Variants in USP34 observed in about 807,000 individuals in gnomAD.
USP34 encodes ubiquitin specific peptidase 34.
USP34 carries 70 observed loss-of-function variants against 460.3 expected under a neutral mutation model. That is an observed-to-expected ratio of 0.15 (90% CI 0.13 to 0.19). The LOEUF is 0.19. USP34 is among the 10% of genes least tolerant of loss of function. The pLI is 1.00. For missense variants in USP34, 3,985 were observed against 4,236.2 expected (o/e 0.94, Z 1.65); for synonymous variants, 1,647 against 1,405.3 (o/e 1.17, Z -3.85).
At chr2:61,339,037 A>C (rs1691510591) in intron 18 of USP34, among the ~76,000 whole-genome samples, 1 of 152,200 alleles carries the variant, frequency 6.6e-6, no homozygotes, top group African/African-American at 2.4e-5. Context: ...AGAACATTTA[A>C]CTGCAATTTG....
At chr2:61,417,999 C>T (rs1336442150) in intron 2 of USP34, among the ~76,000 whole-genome samples, 1 of 151,318 alleles carries the variant, frequency 6.6e-6, no homozygotes, top group Non-Finnish European at 1.5e-5. Context: ...CCTGGGCCTC[C>T]CAAAGTGCTG....
chr2:61,419,226 G>T (rs192544636), intron 2 of USP34, among the ~76,000 whole-genome samples: 24 of 151,942 alleles, frequency 1.6e-4, no homozygotes, highest in Non-Finnish European at 3.4e-4. Flanking sequence ...TCGCCCTGTA[G>T]CCCAGGCTGG....
At chr2:61,383,690 A>G (rs2103871322) in intron 5 of USP34, among the ~76,000 whole-genome samples, 1 of 152,324 alleles carries the variant, frequency 6.6e-6, no homozygotes, top group African/African-American at 2.4e-5. Context: ...ACTGCACTCC[A>G]GCCTGGGCAA....
chr2:61,411,881 T>C (rs1359734110), intron 2 of USP34, among the ~76,000 whole-genome samples: 2 of 152,038 alleles, frequency 1.3e-5, no homozygotes. Flanking sequence ...TTTGGATCAT[T>C]GAAGGCAGAT....
At position 61,444,710 on chromosome 2, in the gene USP34, G is replaced by C. The variant is rs891105383; in HGVS notation, c.44-23877C>G. ...GGGCCAGCTTTTTCACGGGCTACCT[G>C]AATGACATGCCTAGTCAAACAAATC... is the stretch of plus-strand genomic sequence containing the variant. On this transcript the variant is annotated intron_variant, in intron 1 of 79. Coordinates refer to ENST00000398571, the MANE Select transcript of USP34 (RefSeq NM_014709.4). Among the ~76,000 whole-genome samples, 17 of 152,208 alleles carry C rather than the reference G, an allele frequency of 1.1e-4. No homozygotes were observed. In the East Asian group the frequency reaches 2.9e-3, roughly 26 times the overall value.
At chr2:61,334,154 A>C (rs185900077) in intron 18 of USP34, among the ~76,000 whole-genome samples, 183 bp from the exon 19 acceptor site, 1 of 152,304 alleles carries the variant, frequency 6.6e-6, no homozygotes, top group African/African-American at 2.4e-5. Context: ...AAGAACTGCA[A>C]GTTTAAAAAA....
chr2:61,222,735 C>T (rs1572847612), intron 64 of USP34, 72 bp from the exon 65 acceptor site: 6 of 1,431,286 alleles, frequency 4.2e-6, no homozygotes, highest in East Asian at 2.4e-5. Flanking sequence ...TTCGCTATGT[C>T]ACCCAGGCTG....
At chr2:61,424,712 T>C (rs181486699) in intron 1 of USP34, among the ~76,000 whole-genome samples, 184 of 152,110 alleles carry the variant, frequency 1.2e-3, no homozygotes, top group Non-Finnish European at 1.9e-3. Flanking sequence ...CCCCTCTCTA[T>C]TTAAGAAAAA....
chr2:61,286,456 G>A (rs1435647807), intron 34 of USP34, among the ~76,000 whole-genome samples: 1 of 152,140 alleles, frequency 6.6e-6, no homozygotes, highest in African/African-American at 2.4e-5. Flanking sequence ...AGGAGTTTGA[G>A]ATCAGCCTGT....
chr2:61,324,091 A>C (rs927417889), intron 21 of USP34, among the ~76,000 whole-genome samples: 1 of 152,234 alleles, frequency 6.6e-6, no homozygotes, highest in African/African-American at 2.4e-5. Context: ...ACCACAGTTA[A>C]AGAGACAATG....
In USP34 at chr2:61,332,096, T is replaced by C. The variant is rs539360912; in HGVS notation, c.2835-725A>G. Among the ~76,000 whole-genome samples the C allele has an allele frequency of 4.1e-4, 62 of 152,148 alleles. 1 individual carries two copies. Among genetic ancestry groups the C allele is most frequent in the African/African-American group, 1.4e-3 (59 of 41,536 alleles). Reference sequence around the variant, plus strand: ...GTCAAGTGGTAGAAAGAAAAAGACTTTGGGTTTGAAGGCAGCTCCAATACA... The same window carrying C: ...GTCAAGTGGTAGAAAGAAAAAGACTCTGGGTTTGAAGGCAGCTCCAATACA... On this transcript the variant is annotated intron_variant, in intron 19 of 79. Transcript: ENST00000398571.
chr2:61,394,985 C>A lies in USP34; in HGVS notation c.621G>T (p.Leu207Phe). 1 of 1,593,966 alleles carries A rather than the reference C, an allele frequency of 6.3e-7. No homozygotes were observed. The highest frequency in any genetic ancestry group is 8.5e-7 in the Non-Finnish European group (1 of 1,174,064). Residue 207 changes from leucine (L) to phenylalanine (F), a missense_variant, in exon 5 of 80, where the codon TTG becomes TTT. Around this residue, in one of 14 missense-constraint regions of USP34, gnomAD observed 331 missense variants for 293.7 expected, o/e 1.13. Coordinates refer to ENST00000398571, the MANE Select transcript of USP34 (RefSeq NM_014709.4). Reference sequence around the variant, plus strand: ...ACAAACATACATAACGAAGCAAATGCAATGGTACTTCTACATCCTGGGAAA... The same window carrying A: ...ACAAACATACATAACGAAGCAAATGAAATGGTACTTCTACATCCTGGGAAA... ...FCDMNDVEVPLHLLRYVCLFC... is the reference protein window; with the variant it reads ...FCDMNDVEVPFHLLRYVCLFC...
chr2:61,280,130 C>G, intron 39 of USP34, 114 bp downstream of exon 39: 1 of 555,946 alleles, frequency 1.8e-6, no homozygotes, highest in Non-Finnish European at 2.9e-6. Flanking sequence ...ACACCACCAC[C>G]AAGTTATAGA....
intron 6 of USP34, among the ~76,000 whole-genome samples, chr2:61,382,751 T>C (rs1346418199): frequency 2.0e-5 from 3 of 152,218 alleles, no homozygotes; most frequent in African/African-American, 7.2e-5. Context: ...AAGTTGAGAC[T>C]TATAAAATTC....
chr2:61,266,114 G>T lies in USP34; in HGVS notation c.5487C>A (p.Asp1829Glu). ...GTGATTTGCACTTTGGCTGTTGTCG[G>T]TCCTTTAGACTTGGCAACAAAAACA... ...NLLFLLPSLKDRQQPKCKSHS... is the reference protein window; with the variant it reads ...NLLFLLPSLKERQQPKCKSHS... Residue 1829 changes from aspartate (D) to glutamate (E), a missense_variant, in exon 42 of 80, where the codon GAC becomes GAA. Asp to Glu is a conservative substitution (Grantham distance 45). Coordinates refer to ENST00000398571, the MANE Select transcript of USP34 (RefSeq NM_014709.4). The T allele has an allele frequency of 6.2e-7, 1 of 1,613,856 alleles. No homozygotes were observed. Among genetic ancestry groups the T allele is most frequent in the Non-Finnish European group, 8.5e-7 (1 of 1,179,830 alleles).
intron 20 of USP34, 42 bp from the exon 21 acceptor site, chr2:61,325,499 CTTAA>C (rs1691057815): frequency 1.5e-6 from 2 of 1,303,060 alleles, no homozygotes; most frequent in Non-Finnish European, 2.1e-6. Context: ...TATCCTATTT[CTTAA>C]TTACTTTTAA....
At chr2:61,234,818 G>A (rs1407310585) in intron 57 of USP34, among the ~76,000 whole-genome samples, 2 of 151,944 alleles carry the variant, frequency 1.3e-5, no homozygotes, top group South Asian at 4.2e-4. Flanking sequence ...TTTATTTTTA[G>A]TAGAGATGTA....
intron 53 of USP34, 87 bp from the exon 54 acceptor site, chr2:61,236,476 T>C (rs1043109432): frequency 5.1e-6 from 5 of 979,582 alleles, no homozygotes; most frequent in Non-Finnish European, 7.4e-6. Flanking sequence ...AAGTCTCTTC[T>C]AAAAAACCAC....
At chr2:61,272,622 C>A (rs1689250398) in intron 41 of USP34, among the ~76,000 whole-genome samples, 1 of 152,102 alleles carries the variant, frequency 6.6e-6, no homozygotes, top group Non-Finnish European at 1.5e-5. Flanking sequence ...TGCCCACAGA[C>A]TAATTTTCCA....
Sources: allele counts gnomAD v4.1 joint callset (sites outside exome capture counted in the v4.1 genomes callset), GRCh38; gene constraint gnomAD v4.1.1; regional missense constraint gnomAD v4.1.1; transcripts MANE v1.5; gene names NCBI Gene and HGNC (gene_info 2026-07-23, HGNC 2026-07-21).